Variants in PPIL6 observed in about 807,000 individuals in gnomAD.
PPIL6 encodes the protein peptidylprolyl isomerase like 6, also known as probable inactive peptidyl-prolyl cis-trans isomerase-like 6.
Under a neutral mutation model 36.8 loss-of-function variants are expected in PPIL6, and 39 were observed. The observed-to-expected ratio is 1.06, with a 90% confidence interval of 0.82 to 1.38. PPIL6 has a LOEUF of 1.38. Among genes scored for constraint, PPIL6 ranks in the 40% most tolerant of loss-of-function variants. The probability of loss-of-function intolerance (pLI) is 0.00; values close to 1 mark genes in which losing one functional copy is unlikely to be tolerated. For missense variants in PPIL6, 368 were observed against 379.1 expected (o/e 0.97, Z 0.24); for synonymous variants, 123 against 134.1 (o/e 0.92, Z 0.57).
Position 109,390,673 on chromosome 6 carries a change from A to G in PPIL6, c.*2153T>C, listed in dbSNP as rs889563368. ...GTCTTTGAGGTGCTGGAAAGGTTCT[A>G]TATTTTCTCTATAGTGTTGGTTACA... On this transcript the variant is annotated 3_prime_UTR_variant, in exon 8 of 8. Coordinates refer to ENST00000521072, the MANE Select transcript of PPIL6 (RefSeq NM_173672.5). 1 of 152,224 alleles carries G rather than the reference A, an allele frequency of 6.6e-6. No homozygotes were observed. Among genetic ancestry groups the G allele is most frequent in the Non-Finnish European group, 1.5e-5 (1 of 68,058 alleles). The allele number at this position is 152,224 out of a possible 1,614,324, so 9.4% of individuals were successfully genotyped here.
At chr6:109,400,236 A>G (rs1772475186) in intron 6 of PPIL6, 66 bp from the exon 7 acceptor site, 1 of 1,379,604 alleles carries the variant, frequency 7.2e-7, no homozygotes, top group African/African-American at 1.4e-5. Context: ...TGTAACATAT[A>G]AGGAACAAAT....
At chr6:109,440,082 T>C in intron 1 of PPIL6, 1 of 324,554 alleles carries the variant, frequency 3.1e-6, no homozygotes, top group Non-Finnish European at 6.0e-6. Flanking sequence ...AGTTATATAG[T>C]AATCATTTTT....
chr6:109,433,598 G>A (rs1375156391), intron 2 of PPIL6, among the ~76,000 whole-genome samples: 1 of 152,202 alleles, frequency 6.6e-6, no homozygotes, highest in African/African-American at 2.4e-5. Context: ...AGCAGAGAGA[G>A]GGACCTTCCC....
chr6:109,406,625 CTTT>C (rs1291329537), intron 6 of PPIL6, among the ~76,000 whole-genome samples: 1 of 152,082 alleles, frequency 6.6e-6, no homozygotes, highest in African/African-American at 2.4e-5. Context: ...AGTGGCAATA[CTTT>C]TATAAAGAGA....
intron 5 of PPIL6, 28 bp downstream of exon 5, chr6:109,426,819 T>C: frequency 6.9e-7 from 1 of 1,440,088 alleles, no homozygotes; most frequent in Non-Finnish European, 9.4e-7. Flanking sequence ...ATATTGCAAT[T>C]AACTCGTATT....
At chr6:109,440,965 G>A (rs866461699), upstream of PPIL6, 1 of 675,978 alleles carries the variant, frequency 1.5e-6, no homozygotes, top group Non-Finnish European at 2.4e-6. Flanking sequence ...CGCGGGAGTC[G>A]GGCCCGACCT....
intron 2 of PPIL6, among the ~76,000 whole-genome samples, chr6:109,435,493 T>C (rs1013888342): frequency 6.6e-6 from 1 of 152,028 alleles, no homozygotes; most frequent in African/African-American, 2.4e-5. Context: ...AGACGGAGTT[T>C]CACCACGTTG....
chr6:109,439,982 G>C (rs932333979), intron 1 of PPIL6, among the ~76,000 whole-genome samples: 4 of 152,082 alleles, frequency 2.6e-5, no homozygotes, highest in African/African-American at 9.7e-5. Context: ...CGCAGTGACG[G>C]CTCTATAAAA....
At chr6:109,431,460 A>C in intron 2 of PPIL6, 115 bp from the exon 3 acceptor site, 1 of 565,646 alleles carries the variant, frequency 1.8e-6, no homozygotes. Context: ...CAACTCTAGT[A>C]TTGAATCTTT....
At chr6:109,430,848 T>C (rs1383849447) in intron 3 of PPIL6, among the ~76,000 whole-genome samples, 2 of 152,220 alleles carry the variant, frequency 1.3e-5, no homozygotes, top group Non-Finnish European at 2.9e-5. Flanking sequence ...GAATGGATGA[T>C]AGGTTTTACC....
intron 7 of PPIL6, among the ~76,000 whole-genome samples, chr6:109,393,671 G>A (rs899542338): frequency 6.6e-6 from 1 of 152,126 alleles, no homozygotes; most frequent in Non-Finnish European, 1.5e-5. Context: ...GGCCTCTCGG[G>A]GAGGTCGGGC....
chr6:109,414,603 G>A (rs1181356311), intron 6 of PPIL6, among the ~76,000 whole-genome samples: 1 of 148,962 alleles, frequency 6.7e-6, no homozygotes, highest in African/African-American at 2.5e-5. Flanking sequence ...TCCCACCTCA[G>A]CCTCCCAGGT....
intron 6 of PPIL6, among the ~76,000 whole-genome samples, chr6:109,402,232 C>T (rs1353429118): frequency 6.6e-6 from 1 of 152,092 alleles, no homozygotes. Flanking sequence ...ATGTATAAAA[C>T]AGTGCAAAAA....
intron 6 of PPIL6, among the ~76,000 whole-genome samples, chr6:109,410,642 C>T (rs186144990): frequency 7.9e-5 from 12 of 152,258 alleles, no homozygotes; most frequent in African/African-American, 1.9e-4. Flanking sequence ...ATATCTCTAG[C>T]GCACTAATGA....
intron 2 of PPIL6, among the ~76,000 whole-genome samples, chr6:109,434,696 C>T (rs1316054138): frequency 6.6e-6 from 1 of 152,140 alleles, no homozygotes; most frequent in African/African-American, 2.4e-5. Context: ...ACAATCGAAA[C>T]TGCTCTGGTC....
chr6:109,409,210 T>C (rs1317408658), intron 6 of PPIL6, among the ~76,000 whole-genome samples: 1 of 152,164 alleles, frequency 6.6e-6, no homozygotes, highest in East Asian at 1.9e-4. Flanking sequence ...GTTCTCCTAG[T>C]ACTATGTAGC....
intron 6 of PPIL6, among the ~76,000 whole-genome samples, chr6:109,407,430 G>A (rs1347831393): frequency 1.3e-5 from 2 of 151,976 alleles, no homozygotes; most frequent in African/African-American, 4.8e-5. Context: ...TAGTATAGAC[G>A]GGGTTTTGCC....
In PPIL6 at chr6:109,395,768, C is replaced by G. The variant is rs571345447; in HGVS notation, c.825-2831G>C. 2.8e-3 allele frequency among the ~76,000 whole-genome samples: 430 copies of G among 151,762 alleles called. 4 individuals carry two copies. In the Middle Eastern group the frequency reaches 0.038, roughly 13 times the overall value. Reference sequence around the variant, plus strand: ...TACAGGCATCTGCCACCATGCGTGGCTAACTTTTTGTATTTTTAGTAGAGA... The same window carrying G: ...TACAGGCATCTGCCACCATGCGTGGGTAACTTTTTGTATTTTTAGTAGAGA... On this transcript the variant is annotated intron_variant, in intron 7 of 7. Coordinates refer to ENST00000521072, the MANE Select transcript of PPIL6 (RefSeq NM_173672.5).
intron 6 of PPIL6, among the ~76,000 whole-genome samples, chr6:109,417,537 C>T (rs1046478976): frequency 6.6e-6 from 1 of 152,166 alleles, no homozygotes; most frequent in Admixed American, 6.5e-5. Flanking sequence ...GCTCTTTATT[C>T]TCTTTATTCT....
Sources: allele counts gnomAD v4.1 joint callset (sites outside exome capture counted in the v4.1 genomes callset), GRCh38; gene constraint gnomAD v4.1.1; transcripts MANE v1.5; gene names NCBI Gene and HGNC (gene_info 2026-07-23, HGNC 2026-07-21).